CSMD1: variants seen among roughly 807,000 people sequenced by gnomAD.
CSMD1 encodes CUB and sushi domain-containing protein 1.
CSMD1 carries 213 observed loss-of-function variants against 417.5 expected under a neutral mutation model. The observed-to-expected ratio is 0.51, with a 90% CI of 0.46 to 0.57. CSMD1 has a LOEUF of 0.57. Ranked by LOEUF, CSMD1 falls within the 20% of genes least tolerant of loss-of-function variation. CSMD1 has a pLI of 0.00. For synonymous variants in CSMD1, 2,862 were observed against 1,736.8 expected (o/e 1.65, Z -16.11); for missense variants, 6,923 against 4,529.7 (o/e 1.53, Z -15.17).
chr8:4,283,361 T>G (rs963817215), intron 3 of CSMD1, among the ~76,000 whole-genome samples: 1 of 152,188 alleles, frequency 6.6e-6, no homozygotes, highest in African/African-American at 2.4e-5. Flanking sequence ...CGAACATCTT[T>G]GCCATCTGAA....
intron 3 of CSMD1, among the ~76,000 whole-genome samples, chr8:4,332,750 A>G (rs984238322): frequency 2.0e-5 from 3 of 151,992 alleles, no homozygotes; most frequent in Non-Finnish European, 4.4e-5. Flanking sequence ...TCTTAGACAC[A>G]TATGTAATGG....
At chr8:3,986,256 G>A (rs1585083091) in intron 5 of CSMD1, among the ~76,000 whole-genome samples, 1 of 152,032 alleles carries the variant, frequency 6.6e-6, no homozygotes, top group Non-Finnish European at 1.5e-5. Context: ...TCCCTCGCCT[G>A]GCTGAGGGCA....
At chr8:3,203,153 G>A (rs905866883) in intron 31 of CSMD1, among the ~76,000 whole-genome samples, 2 of 152,092 alleles carry the variant, frequency 1.3e-5, no homozygotes, top group Admixed American at 6.6e-5. Flanking sequence ...GGAGGGAAGG[G>A]GATAGTAACA....
intron 5 of CSMD1, among the ~76,000 whole-genome samples, chr8:3,814,968 G>C (rs1383946): frequency 0.63 from 95,262 of 151,982 alleles, 30,673 homozygotes; most frequent in Non-Finnish European, 0.71. Context: ...ATCTTTGAAA[G>C]ACAATCATCT....
At chr8:4,275,173 G>A (rs939117261) in intron 3 of CSMD1, among the ~76,000 whole-genome samples, 8 of 151,950 alleles carry the variant, frequency 5.3e-5, no homozygotes, top group East Asian at 1.9e-4. Context: ...TACATTTTCT[G>A]GGGTTTTTTC....
At chr8:3,806,148 C>G (rs951365478) in intron 5 of CSMD1, among the ~76,000 whole-genome samples, 1 of 152,138 alleles carries the variant, frequency 6.6e-6, no homozygotes, top group African/African-American at 2.4e-5. Context: ...CACAGTTCTG[C>G]CTGACACAAC....
At chr8:4,229,042 C>A (rs1053156171) in intron 3 of CSMD1, among the ~76,000 whole-genome samples, 1 of 152,164 alleles carries the variant, frequency 6.6e-6, no homozygotes, top group Non-Finnish European at 1.5e-5. Context: ...GTCTTCTCAA[C>A]CACCTGGGAT....
intron 10 of CSMD1, among the ~76,000 whole-genome samples, chr8:3,533,873 C>G (rs749316639): frequency 1.3e-5 from 2 of 152,156 alleles, no homozygotes; most frequent in Non-Finnish European, 2.9e-5. Flanking sequence ...TATCTACAAT[C>G]GAAATCTTTC....
At chr8:4,567,614 C>T (rs142248573) in intron 2 of CSMD1, among the ~76,000 whole-genome samples, 19 of 152,210 alleles carry the variant, frequency 1.2e-4, no homozygotes, top group African/African-American at 3.6e-4. Flanking sequence ...GTGCTCTGTG[C>T]AATTATTATG....
Position 4,898,660 on chromosome 8 carries a change from A to C in CSMD1, c.85+95672T>G, listed in dbSNP as rs891450876. 8.5e-5 allele frequency among the ~76,000 whole-genome samples: 13 copies of C among 152,310 alleles called. 1 individual carries two copies. Among genetic ancestry groups the C allele is most frequent in the African/African-American group, 3.1e-4 (13 of 41,556 alleles). On this transcript the variant is annotated intron_variant, in intron 1 of 69. Transcript: ENST00000635120. ...ATGAAAAATTTTTATGAAAATTGTC[A>C]AATTATACAGACAGGAAAGACTGAG...
chr8:3,317,925 C>G (rs911620804), intron 23 of CSMD1, among the ~76,000 whole-genome samples: 4 of 152,156 alleles, frequency 2.6e-5, no homozygotes, highest in African/African-American at 7.2e-5. Context: ...ATCCTCCCAC[C>G]TTAGCCTATT....
intron 4 of CSMD1, among the ~76,000 whole-genome samples, chr8:4,012,846 C>G (rs2740944): frequency 0.58 from 87,175 of 151,234 alleles, 25,357 homozygotes; most frequent in East Asian, 0.67. Context: ...AGAAGACACA[C>G]GGTGCCATCC....
At chr8:3,662,885 G>A (rs546096576) in intron 7 of CSMD1, among the ~76,000 whole-genome samples, 5 of 152,256 alleles carry the variant, frequency 3.3e-5, no homozygotes, top group African/African-American at 1.2e-4. Context: ...AATATGTAAT[G>A]CATGAGAGGC....
chr8:3,544,329 A>G (rs757836666), intron 10 of CSMD1, among the ~76,000 whole-genome samples: 12 of 152,226 alleles, frequency 7.9e-5, no homozygotes, highest in Non-Finnish European at 1.3e-4. Flanking sequence ...ATAGTAATTC[A>G]GAAAATTAAT....
chr8:4,031,051 T>C (rs1489670295), intron 4 of CSMD1, among the ~76,000 whole-genome samples: 2 of 152,172 alleles, frequency 1.3e-5, no homozygotes, highest in African/African-American at 2.4e-5. Flanking sequence ...AGCACTTTGG[T>C]CAAAGCTATT....
chr8:4,793,138 C>A (rs1045301295), intron 1 of CSMD1, among the ~76,000 whole-genome samples: 1 of 152,092 alleles, frequency 6.6e-6, no homozygotes, highest in African/African-American at 2.4e-5. Flanking sequence ...AACAGGTCAG[C>A]AGGTACCAAA....
At chr8:3,013,477 G>T (rs925689993) in intron 52 of CSMD1, among the ~76,000 whole-genome samples, 2 of 152,148 alleles carry the variant, frequency 1.3e-5, no homozygotes, top group African/African-American at 4.8e-5. Flanking sequence ...CCAGCCTGGT[G>T]TGGTGCCTCA....
intron 5 of CSMD1, among the ~76,000 whole-genome samples, chr8:3,915,714 G>C (rs923184491): frequency 1.3e-5 from 2 of 150,690 alleles, no homozygotes; most frequent in African/African-American, 4.9e-5. Flanking sequence ...TTTATTGGTT[G>C]AATGTTAATT....
Position 4,668,862 on chromosome 8 carries a change from T to A in CSMD1, c.86-31304A>T, listed in dbSNP as rs188837674. ...CCTCTCTCTACCATGTTTATCTCTG[T>A]ATTTTCTATTAAATTCAGGTTGAAT... On this transcript the variant is annotated intron_variant, in intron 1 of 69. Transcript: ENST00000635120. Among the ~76,000 whole-genome samples, 35 of 152,314 alleles carry A rather than the reference T, an allele frequency of 2.3e-4. 1 individual carries two copies. The highest frequency in any genetic ancestry group is 1.8e-3 in the Admixed American group (27 of 15,304).
Sources: gnomAD v4.1 joint callset for allele counts (sites outside exome capture counted in the v4.1 genomes callset) on GRCh38, gnomAD v4.1.1 for gene constraint, MANE v1.5 for transcripts, NCBI Gene and HGNC (gene_info 2026-07-23, HGNC 2026-07-21) for gene names.